The following LARP4B variants were observed in gnomAD, a reference collection of about 807,000 sequenced individuals.
LARP4B encodes La ribonucleoprotein 4B.
A neutral mutation model predicts 89.8 loss-of-function variants in LARP4B; 12 were observed. The ratio of observed to expected loss-of-function variants is 0.13; its 90% CI spans 0.09 to 0.22. The LOEUF is 0.22. Ranked by LOEUF, LARP4B falls within the 10% of genes least tolerant of loss-of-function variation. The pLI, the probability that LARP4B is intolerant of heterozygous loss-of-function variation, is 1.00. For synonymous variants in LARP4B, 367 were observed against 363.3 expected, an observed-to-expected ratio of 1.01 and a Z score of -0.12; for missense variants, 757 against 947.7, an observed-to-expected ratio of 0.80 and a Z score of 2.64.
In LARP4B at chr10:836,449, C is replaced by T. The variant is rs770903779; in HGVS notation, c.704G>A (p.Arg235His). The change falls in exon 8 of 18, where the codon CGC becomes CAC. Residue 235 changes from arginine to histidine, a missense_variant. Arg to His is a conservative substitution (Grantham distance 29, BLOSUM62 0). Around this residue, in one of 5 missense-constraint regions of LARP4B, gnomAD observed 4 missense variants for 27.3 expected, o/e 0.15. Transcript: ENST00000316157. ...KGEKVRPNQN[R>H]CIVILREISE... ...TATTTCACGCAATATTACTATGCAG[C>T]GATTTTGATTTGGCCTTACTTTTTC... is the stretch of plus-strand genomic sequence containing the variant. The T allele has an allele frequency of 1.2e-6, 2 of 1,613,312 alleles. No homozygotes were observed. Among genetic ancestry groups the T allele is most frequent in the Admixed American group, 1.7e-5 (1 of 60,022 alleles).
At chr10:933,439 T>C (rs1233830568), upstream of LARP4B, among the ~76,000 whole-genome samples, 1 of 152,208 alleles carries the variant, frequency 6.6e-6, no homozygotes, top group Admixed American at 6.5e-5. Context: ...AGCGTTCAAA[T>C]GCTGACAATT....
the LARP4B span, among the ~76,000 whole-genome samples, chr10:961,431 T>G: frequency 6.8e-6 from 1 of 146,874 alleles, no homozygotes; most frequent in African/African-American, 2.6e-5. Context: ...CTCGGGAAGG[T>G]CCACTCATGG....
chr10:891,872 C>T (rs907548692), intron 1 of LARP4B, among the ~76,000 whole-genome samples: 12 of 152,160 alleles, frequency 7.9e-5, no homozygotes, highest in Admixed American at 3.9e-4. Context: ...CATTTTAATG[C>T]TTTTTTAACT....
chr10:910,903 A>C (rs1285184174), intron 1 of LARP4B, among the ~76,000 whole-genome samples: 1 of 152,140 alleles, frequency 6.6e-6, no homozygotes, highest in Non-Finnish European at 1.5e-5. Context: ...GGTCCCCCGT[A>C]CCCTGCTTGA....
At position 861,471 on chromosome 10, in the gene LARP4B, G is replaced by A. The variant is rs532801427; in HGVS notation, c.430+2272C>T. ...GAGTAGGTGGAGGCAGATGAAGGAG[G>A]AAGACAAAGCAGAAGGTATTCTTTT... On this transcript the variant is annotated intron_variant, in intron 5 of 17. Coordinates refer to ENST00000316157, the MANE Select transcript of LARP4B (RefSeq NM_015155.3). Among the ~76,000 whole-genome samples, 7 of 152,176 alleles carry A rather than the reference G, an allele frequency of 4.6e-5. No homozygotes were observed. The South Asian group carries it at 1.5e-3, about 32-fold the overall frequency.
chr10:917,995 T>C, intron 1 of LARP4B, among the ~76,000 whole-genome samples: 1 of 152,240 alleles, frequency 6.6e-6, no homozygotes, highest in South Asian at 2.1e-4. Context: ...CCTTAACCAT[T>C]GTGTTTGAGT....
intron 7 of LARP4B, among the ~76,000 whole-genome samples, chr10:841,524 C>G (rs540384813): frequency 6.6e-6 from 1 of 152,246 alleles, no homozygotes; most frequent in African/African-American, 2.4e-5. Context: ...TTGGTGGAAA[C>G]GACCCCTTGC....
intron 1 of LARP4B, among the ~76,000 whole-genome samples, chr10:920,159 G>A (rs993131558): frequency 6.6e-6 from 1 of 152,104 alleles, no homozygotes; most frequent in African/African-American, 2.4e-5. Flanking sequence ...CCTTAACAGC[G>A]ACCACAGTAA....
At chr10:960,649 A>G in the LARP4B span, among the ~76,000 whole-genome samples, 4 of 140,032 alleles carry the variant, frequency 2.9e-5, no homozygotes, top group Non-Finnish European at 3.0e-5. Context: ...TGGAGGTTGC[A>G]GTGAGCCAAG....
the LARP4B span, among the ~76,000 whole-genome samples, chr10:969,686 G>A: frequency 1.2e-3 from 189 of 152,124 alleles, no homozygotes; most frequent in Admixed American, 1.9e-3. Context: ...CCAAGATTGC[G>A]TCATTGCACT....
chr10:891,356 T>C (rs1374998028), intron 1 of LARP4B, among the ~76,000 whole-genome samples: 1 of 151,836 alleles, frequency 6.6e-6, no homozygotes, highest in East Asian at 1.9e-4. Flanking sequence ...AACCAACTAC[T>C]AAAAAAGAAA....
Position 814,918 on chromosome 10 carries a change from A to G in LARP4B, c.1820+28T>C, listed in dbSNP as rs1460834600. 6.3e-7 allele frequency: 1 copy of G among 1,576,598 alleles called. No homozygotes were observed. Among genetic ancestry groups the G allele is most frequent in the Non-Finnish European group, 8.6e-7 (1 of 1,156,576 alleles). Reference sequence around the variant, plus strand: ...CAGGCCATTCAAGTCAGTCAACACCAAGGCGCTGGAAGAACACCAATACTC... The same window carrying G: ...CAGGCCATTCAAGTCAGTCAACACCGAGGCGCTGGAAGAACACCAATACTC... On this transcript the variant is annotated intron_variant, in intron 16 of 17. Coordinates refer to ENST00000316157, the MANE Select transcript of LARP4B (RefSeq NM_015155.3). The surrounding 1 kb of genome is among the most constrained non-coding windows in gnomAD (Gnocchi z 4.4).
chr10:888,524 T>C (rs1321492544), intron 1 of LARP4B, among the ~76,000 whole-genome samples: 2 of 152,170 alleles, frequency 1.3e-5, no homozygotes, highest in African/African-American at 2.4e-5. Flanking sequence ...GCAAAATCAA[T>C]TGTACCACAG....
rs746186704 is a variant in LARP4B at position 814,938 on chromosome 10, A to C, written c.1820+8T>G. On this transcript the variant is annotated splice_region_variant and intron_variant, in intron 16 of 17. Coordinates refer to ENST00000316157, the MANE Select transcript of LARP4B (RefSeq NM_015155.3). The surrounding 1 kb of genome is among the most constrained non-coding windows in gnomAD (Gnocchi z 4.4). ...ACACCAAGGCGCTGGAAGAACACCA[A>C]TACTCACTCGGGTAAATGAGCTGGG... 1.9e-6 allele frequency: 3 copies of C among 1,587,292 alleles called. No homozygotes were observed. The highest frequency in any genetic ancestry group is 2.6e-6 in the Non-Finnish European group (3 of 1,163,522).
chr10:815,220 GC>G, intron 15 of LARP4B, 150 bp from the exon 16 acceptor site: 1 of 815,870 alleles, frequency 1.2e-6, no homozygotes, highest in Non-Finnish European at 1.8e-6. Context: ...ATGTCACAGA[GC>G]CCAGGACTAT....
the LARP4B span, among the ~76,000 whole-genome samples, chr10:967,350 G>A: frequency 2.0e-5 from 3 of 152,190 alleles, no homozygotes; most frequent in South Asian, 2.1e-4. Context: ...AAAAAGGAAC[G>A]TATGAAAGGA....
intron 8 of LARP4B, among the ~76,000 whole-genome samples, 177 bp downstream of exon 8, chr10:836,226 T>C (rs112415015): frequency 1.2e-3 from 180 of 152,284 alleles, no homozygotes; most frequent in African/African-American, 4.1e-3. Flanking sequence ...AAGGTTTGGT[T>C]ATCATTCCCT....
chr10:840,700 GA>G lies in LARP4B; in HGVS notation c.646+2231del, dbSNP rs34332137. Among the ~76,000 whole-genome samples the G allele has an allele frequency of 8.9e-3, 1,360 of 152,286 alleles. 36 individuals carry two copies. In the East Asian group the frequency reaches 0.089, roughly 10 times the overall value. On this transcript the variant is annotated intron_variant, in intron 7 of 17. Coordinates refer to ENST00000316157, the MANE Select transcript of LARP4B (RefSeq NM_015155.3). ...TTACTGTGACATTAAAAATAATCTG[GA>G]AATGTAACTTATGCAACTTAACACA...
chr10:932,953 G>A (rs1476871369), upstream of LARP4B: 3 of 152,336 alleles, frequency 2.0e-5, no homozygotes, highest in Non-Finnish European at 4.4e-5. Flanking sequence ...TTTCCTAGAG[G>A]CGCTGGGTTC....
Sources: gnomAD v4.1 joint callset for allele counts (sites outside exome capture counted in the v4.1 genomes callset) on GRCh38, gnomAD v4.1.1 for gene constraint, gnomAD v4.1.1 regional missense constraint, Gnocchi (gnomAD v3.1) non-coding constraint, MANE v1.5 for transcripts, NCBI Gene and HGNC (gene_info 2026-07-23, HGNC 2026-07-21) for gene names.